The following PTER variants were observed in gnomAD, a reference collection of about 807,000 sequenced individuals.
PTER encodes N-acetyltaurine hydrolase.
In PTER, 38 loss-of-function variants were observed where a neutral mutation model predicts 29.6. That is an observed-to-expected ratio of 1.28 (90% CI 0.99 to 1.68). PTER has a LOEUF of 1.68. Ranked by LOEUF, PTER falls within the 40% of genes most tolerant of loss-of-function variation. The probability of loss-of-function intolerance (pLI) is 0.00; values close to 1 mark genes in which losing one functional copy is unlikely to be tolerated. For synonymous variants in PTER, 172 were observed against 154.5 expected, an observed-to-expected ratio of 1.11 and a Z score of -0.84; for missense variants, 482 against 427.8, an observed-to-expected ratio of 1.13 and a Z score of -1.12.
At chr10:16,466,032 T>C (rs560148587) in intron 1 of PTER, among the ~76,000 whole-genome samples, 11 of 152,216 alleles carry the variant, frequency 7.2e-5, no homozygotes, top group East Asian at 1.9e-4. Flanking sequence ...CAATTTGAGA[T>C]GAGATTTGGG....
intron 1 of PTER, among the ~76,000 whole-genome samples, chr10:16,458,593 A>G (rs1243491010): frequency 6.6e-6 from 1 of 152,260 alleles, no homozygotes; most frequent in Non-Finnish European, 1.5e-5. Flanking sequence ...ACTGAAAGCA[A>G]TGCTTGTTTA....
At chr10:16,454,981 C>G (rs536477924) in intron 1 of PTER, among the ~76,000 whole-genome samples, 15 of 152,122 alleles carry the variant, frequency 9.9e-5, no homozygotes, top group Non-Finnish European at 2.1e-4. Flanking sequence ...GTGATCCCAG[C>G]ACTTTGAGGA....
chr10:16,454,874 A>T (rs1299790522), intron 1 of PTER, among the ~76,000 whole-genome samples: 1 of 152,146 alleles, frequency 6.6e-6, no homozygotes, highest in Non-Finnish European at 1.5e-5. Flanking sequence ...TGATAATCAA[A>T]TGTAATAAAA....
At chr10:16,493,599 T>G (rs1464131588) in intron 3 of PTER, among the ~76,000 whole-genome samples, 1 of 152,176 alleles carries the variant, frequency 6.6e-6, no homozygotes, top group East Asian at 1.9e-4. Flanking sequence ...TAAAGTGTTA[T>G]GCAAAATTTC....
intron 3 of PTER, among the ~76,000 whole-genome samples, chr10:16,499,671 T>G (rs1836256470): frequency 6.6e-6 from 1 of 152,146 alleles, no homozygotes; most frequent in African/African-American, 2.4e-5. Flanking sequence ...CTGGAATTCA[T>G]GAGCTCAAGT....
chr10:16,473,519 G>GAA lies in PTER; in HGVS notation c.-48-10791_-48-10790dup, dbSNP rs72001271. Reference sequence around the variant, plus strand: ...TGGGTGATAGAGTGAGACTCCATCCGAAAAAAAAAAAAAAAAAAAAAAAAA... The same window carrying GAA: ...TGGGTGATAGAGTGAGACTCCATCCGAAAAAAAAAAAAAAAAAAAAAAAAAAA... On this transcript the variant is annotated intron_variant, in intron 1 of 4. Coordinates refer to ENST00000535784, the MANE Select transcript of PTER (RefSeq NM_001261836.2). Among the ~76,000 whole-genome samples, 89 of 28,170 alleles carry GAA rather than the reference G, an allele frequency of 3.2e-3. 7 individuals carry two copies. Among genetic ancestry groups the GAA allele is most frequent in the African/African-American group, 7.6e-3 (53 of 6,978 alleles). 18.5% of individuals were successfully genotyped at this position (28,170 alleles called of 152,430 possible). A position where few individuals can be genotyped will look rare whatever the true frequency, so the allele number is the denominator to read the frequency against.
intron 1 of PTER, among the ~76,000 whole-genome samples, chr10:16,462,596 A>C (rs531117447): frequency 2.1e-3 from 291 of 138,326 alleles, no homozygotes; most frequent in Non-Finnish European, 3.1e-3. Context: ...TTTGAGACAG[A>C]GTCTCGCTCT....
At chr10:16,474,320 A>G (rs1287670432) in intron 1 of PTER, among the ~76,000 whole-genome samples, 2 of 152,228 alleles carry the variant, frequency 1.3e-5, no homozygotes, top group Non-Finnish European at 2.9e-5. Context: ...ACAAAAGTCA[A>G]GAAAAGAATG....
rs571787989 is a variant in PTER at position 16,457,686 on chromosome 10, G to A, written c.-49+20639G>A. On this transcript the variant is annotated intron_variant, in intron 1 of 4. Coordinates refer to ENST00000535784, the MANE Select transcript of PTER (RefSeq NM_001261836.2). ...CTGATCTTGGCTCACTGCAACCGCT[G>A]CCTCCCAGGTTCAAGTGATTCTCCT... Among the ~76,000 whole-genome samples, 4 of 152,166 alleles carry A rather than the reference G, an allele frequency of 2.6e-5. No individual in the cohort carries two copies. In the South Asian group the frequency reaches 8.3e-4, roughly 32 times the overall value.
At chr10:16,459,939 G>GT (rs1354881763) in intron 1 of PTER, among the ~76,000 whole-genome samples, 1 of 152,026 alleles carries the variant, frequency 6.6e-6, no homozygotes, top group East Asian at 1.9e-4. Context: ...TAGGGATGGG[G>GT]TTTTTTCCAC....
At chr10:16,437,151 C>T (rs1326547208) in intron 1 of PTER, 104 bp downstream of exon 1, 2 of 152,284 alleles carry the variant, frequency 1.3e-5, no homozygotes, top group African/African-American at 4.8e-5. Flanking sequence ...TGCAGAGCTC[C>T]ACGCGAGGGT....
chr10:16,488,290 G>C (rs1049828789), intron 3 of PTER, among the ~76,000 whole-genome samples: 1 of 151,828 alleles, frequency 6.6e-6, no homozygotes, highest in Admixed American at 6.6e-5. Context: ...AACTCTCATT[G>C]GTGTAACATC....
At chr10:16,485,074 A>G (rs1275459167) in intron 2 of PTER, among the ~76,000 whole-genome samples, 2 of 152,236 alleles carry the variant, frequency 1.3e-5, no homozygotes, top group East Asian at 3.8e-4. Context: ...TGCACTGGTC[A>G]TTGCAAAATC....
At chr10:16,463,861 CTGCCTTT>C (rs531462457) in intron 1 of PTER, among the ~76,000 whole-genome samples, 3 of 152,310 alleles carry the variant, frequency 2.0e-5, no homozygotes, top group African/African-American at 7.2e-5. Context: ...GCAGTGGATT[CTGCCTTT>C]AGTGAAAGTG....
At chr10:16,463,156 G>A (rs2133396433) in intron 1 of PTER, among the ~76,000 whole-genome samples, 1 of 142,572 alleles carries the variant, frequency 7.0e-6, no homozygotes, top group East Asian at 2.2e-4. Flanking sequence ...TTGTTCCACT[G>A]CACTCCATAC....
chr10:16,484,885 C>T, intron 2 of PTER, 69 bp downstream of exon 2: 1 of 1,483,424 alleles, frequency 6.7e-7, no homozygotes, highest in Non-Finnish European at 9.0e-7. Context: ...TGGAAATGCC[C>T]TGGGTTCAGA....
intron 3 of PTER, among the ~76,000 whole-genome samples, chr10:16,499,789 A>G (rs1836262693): frequency 6.6e-6 from 1 of 151,776 alleles, no homozygotes; most frequent in Admixed American, 6.6e-5. Context: ...AGTTACCCCA[A>G]GGAGGTCATA....
chr10:16,479,819 A>C (rs976593449), intron 1 of PTER, among the ~76,000 whole-genome samples: 1 of 151,740 alleles, frequency 6.6e-6, no homozygotes, highest in Non-Finnish European at 1.5e-5. Flanking sequence ...CTGCAGGTAC[A>C]ACGGGCCCCC....
chr10:16,459,201 TATTTCTTATCCA>T (rs1834517640), intron 1 of PTER, among the ~76,000 whole-genome samples: 4 of 152,230 alleles, frequency 2.6e-5, no homozygotes, highest in African/African-American at 9.6e-5. Flanking sequence ...TCGCAAGATC[TATTTCTTATCCA>T]AGAGATTCCA....
Sources: allele counts gnomAD v4.1 joint callset (sites outside exome capture counted in the v4.1 genomes callset), GRCh38; gene constraint gnomAD v4.1.1; transcripts MANE v1.5; gene names NCBI Gene and HGNC (gene_info 2026-07-23, HGNC 2026-07-21).